The following MYO18B variants were observed in gnomAD, a reference collection of about 807,000 sequenced individuals.
MYO18B encodes the protein myosin XVIIIB, also known as unconventional myosin-XVIIIb.
Under a neutral mutation model 273.0 loss-of-function variants are expected in MYO18B, and 204 were observed. That is an observed-to-expected ratio of 0.75 (90% CI 0.67 to 0.84). The LOEUF (loss-of-function observed/expected upper bound fraction) is 0.84. Ranked by LOEUF, MYO18B falls within the 40% of genes least tolerant of loss-of-function variation. The probability of loss-of-function intolerance (pLI) is 0.00; values close to 1 mark genes in which losing one functional copy is unlikely to be tolerated. For missense variants in MYO18B, 3,212 were observed against 3,287.6 expected (o/e 0.98, Z 0.56); for synonymous variants, 1,330 against 1,305.7 (o/e 1.02, Z -0.40).
chr22:25,949,552 C>T (rs2092767523), intron 36 of MYO18B, among the ~76,000 whole-genome samples: 1 of 152,180 alleles, frequency 6.6e-6, no homozygotes. Flanking sequence ...ACCTGCCACG[C>T]TCTAAATGCA....
chr22:25,887,884 C>T (rs949451960), intron 25 of MYO18B, among the ~76,000 whole-genome samples: 9 of 152,264 alleles, frequency 5.9e-5, no homozygotes, highest in East Asian at 1.9e-4. Context: ...TTGCTCAGGC[C>T]GGTTAGCATA....
chr22:25,876,805 A>G (rs1016221701), intron 24 of MYO18B: 1 of 152,152 alleles, frequency 6.6e-6, no homozygotes, highest in Non-Finnish European at 1.5e-5. Context: ...TTTAGTTCTT[A>G]TATTTCTTAC....
Position 25,770,141 on chromosome 22 carries a change from A to G in MYO18B, c.1544A>G (p.Lys515Arg). ...GAGGACAGATGGTATGAGGCAGAGA[A>G]AGTCTGGCTGGCTCAGAAGGATGGA... ...APEDRWYEAE[K>R]VWLAQKDGFT... is the part of the protein sequence containing the mutation. Residue 515 changes from lysine to arginine, a missense_variant, in exon 5 of 44, where the codon AAA becomes AGA. Coordinates refer to ENST00000335473, the MANE Select transcript of MYO18B (RefSeq NM_032608.7). 4 of 1,613,940 alleles carry G rather than the reference A, an allele frequency of 2.5e-6. No homozygotes were observed. Among genetic ancestry groups the G allele is most frequent in the Non-Finnish European group, 2.5e-6 (3 of 1,179,874 alleles).
At chr22:25,797,075 A>C (rs1045617593) in intron 11 of MYO18B, among the ~76,000 whole-genome samples, 1 of 152,132 alleles carries the variant, frequency 6.6e-6, no homozygotes, top group South Asian at 2.1e-4. Context: ...AAAACTATGA[A>C]AATTAGCTGG....
intron 37 of MYO18B, among the ~76,000 whole-genome samples, chr22:25,951,884 T>A (rs1601669234): frequency 6.6e-6 from 1 of 152,212 alleles, no homozygotes; most frequent in African/African-American, 2.4e-5. Flanking sequence ...TTTCTCAGAC[T>A]CACACACCAG....
At chr22:25,926,183 C>T (rs574671014) in intron 34 of MYO18B, among the ~76,000 whole-genome samples, 28 of 151,530 alleles carry the variant, frequency 1.8e-4, no homozygotes, top group Non-Finnish European at 3.4e-4. Flanking sequence ...CCAGCCTGGA[C>T]GATGGAGCAA....
intron 18 of MYO18B, among the ~76,000 whole-genome samples, chr22:25,845,606 A>G (rs988224033): frequency 1.3e-5 from 2 of 152,242 alleles, no homozygotes; most frequent in African/African-American, 4.8e-5. Context: ...TGCTGAGAGA[A>G]GGCACTGTCT....
intron 1 of MYO18B, among the ~76,000 whole-genome samples, chr22:25,744,354 G>C (rs1297381789): frequency 5.3e-5 from 8 of 152,136 alleles, no homozygotes; most frequent in Non-Finnish European, 1.5e-5. Context: ...CCCTTCACTG[G>C]GTCCTGCTAG....
chr22:26,029,592 G>A (rs892263704), intron 43 of MYO18B, among the ~76,000 whole-genome samples: 6 of 152,048 alleles, frequency 3.9e-5, no homozygotes, highest in African/African-American at 9.7e-5. Flanking sequence ...CTGCCATTCC[G>A]TTTTAAACTC....
chr22:26,035,118 G>T (rs1224927414), downstream of MYO18B, among the ~76,000 whole-genome samples: 1 of 152,154 alleles, frequency 6.6e-6, no homozygotes, highest in Non-Finnish European at 1.5e-5. Context: ...CCAGGGGTTT[G>T]GCCTAAGTCC....
intron 12 of MYO18B, among the ~76,000 whole-genome samples, chr22:25,798,799 A>G (rs1209770722): frequency 6.6e-6 from 1 of 152,030 alleles, no homozygotes; most frequent in African/African-American, 2.4e-5. Flanking sequence ...TCCTAGGCTC[A>G]AGCAATCTTC....
At chr22:25,830,441 G>A (rs1432379558) in intron 15 of MYO18B, among the ~76,000 whole-genome samples, 1 of 152,210 alleles carries the variant, frequency 6.6e-6, no homozygotes, top group Admixed American at 6.5e-5. Flanking sequence ...GTCCAGGATG[G>A]TTCTTGAGCT....
At chr22:25,921,702 T>TTGTGTGTGTGTGTGTGTG (rs3070571) in intron 34 of MYO18B, among the ~76,000 whole-genome samples, 1 of 145,598 alleles carries the variant, frequency 6.9e-6, no homozygotes. Flanking sequence ...AGTGTGCCTG[T>TTGTGTGTGTGTGTGTGTG]TGTGTGTGTG....
chr22:26,059,240 T>G, the MYO18B span, among the ~76,000 whole-genome samples: 1 of 152,276 alleles, frequency 6.6e-6, no homozygotes, highest in South Asian at 2.1e-4. Flanking sequence ...TGCTTGTTAC[T>G]TTACCTCTTC....
rs1180333366 is a variant in MYO18B, at chr22:25,921,740, GTA to G, written c.5517+333_5517+334del. ...TGTGTGTGTGTGTGTGTGTGTGTGT[GTA>G]TGTGTATGTGTGTATGCGTGTATGC... On this transcript the variant is annotated intron_variant, in intron 34 of 43. Transcript: ENST00000335473. Among the ~76,000 whole-genome samples, 201 of 132,740 alleles carry G rather than the reference GTA, an allele frequency of 1.5e-3. 1 individual carries two copies. The highest frequency in any genetic ancestry group is 3.0e-3 in the Admixed American group (41 of 13,572). 87.1% of individuals were successfully genotyped at this position (132,740 alleles called of 152,430 possible).
intron 8 of MYO18B, among the ~76,000 whole-genome samples, chr22:25,778,477 TTTA>T (rs561203478): frequency 2.0e-5 from 3 of 151,414 alleles, no homozygotes; most frequent in Non-Finnish European, 4.4e-5. Context: ...GGATACTAAC[TTTA>T]TTATTATTAT....
chr22:25,781,948 A>AT (rs2087180116), intron 10 of MYO18B, 114 bp downstream of exon 10: 9 of 679,626 alleles, frequency 1.3e-5, no homozygotes, highest in Non-Finnish European at 2.0e-5. Context: ...GGACCCAGGG[A>AT]TTAGGAACAT....
intron 7 of MYO18B, among the ~76,000 whole-genome samples, chr22:25,775,780 G>A (rs1157827770): frequency 6.6e-6 from 1 of 151,862 alleles, no homozygotes; most frequent in African/African-American, 2.4e-5. Context: ...TCTCATCCAG[G>A]CTTGTGGCTT....
chr22:25,792,481 C>CTTTTTT (rs376827286), intron 11 of MYO18B, among the ~76,000 whole-genome samples: 9 of 54,428 alleles, frequency 1.7e-4, no homozygotes, highest in Admixed American at 2.7e-4. Flanking sequence ...TGTGATGTTT[C>CTTTTTT]TTTTTTTTTT....
Sources: allele counts gnomAD v4.1 joint callset (sites outside exome capture counted in the v4.1 genomes callset), GRCh38; gene constraint gnomAD v4.1.1; transcripts MANE v1.5; gene names NCBI Gene and HGNC (gene_info 2026-07-23, HGNC 2026-07-21).